Variants in HSD17B12 observed in about 807,000 individuals in gnomAD.
HSD17B12 encodes the protein hydroxysteroid 17-beta dehydrogenase 12.
In HSD17B12, 32 loss-of-function variants were observed where a neutral mutation model predicts 39.3. That is an observed-to-expected ratio of 0.81 (90% CI 0.61 to 1.09). HSD17B12 has a LOEUF of 1.09. Among genes scored for constraint, HSD17B12 ranks in the 50% least tolerant of loss-of-function variants. The probability of loss-of-function intolerance (pLI) is 0.00; values close to 1 mark genes in which losing one functional copy is unlikely to be tolerated. For synonymous variants in HSD17B12, 150 were observed against 146.7 expected (o/e 1.02, Z -0.16); for missense variants, 342 against 382.9 (o/e 0.89, Z 0.89).
At chr11:43,587,475 T>TA in the HSD17B12 span, among the ~76,000 whole-genome samples, 1 of 152,254 alleles carries the variant, frequency 6.6e-6, no homozygotes. Context: ...TCTTGGTTTT[T>TA]AGTTGTTCTT....
intron 9 of HSD17B12, chr11:43,852,600 T>C (rs1035878732): frequency 6.6e-6 from 1 of 152,174 alleles, no homozygotes; most frequent in African/African-American, 2.4e-5. Flanking sequence ...AACTTTACTC[T>C]GGGAAATAAC....
chr11:43,808,823 TAA>T (rs1437740682), intron 4 of HSD17B12, among the ~76,000 whole-genome samples: 2 of 152,248 alleles, frequency 1.3e-5, no homozygotes, highest in African/African-American at 4.8e-5. Context: ...ATGAAAACTG[TAA>T]AGTTTGCAAA....
chr11:43,703,835 T>C (rs1949989554), intron 1 of HSD17B12, among the ~76,000 whole-genome samples: 2 of 152,192 alleles, frequency 1.3e-5, no homozygotes, highest in Admixed American at 6.5e-5. Context: ...TTATTAGTTT[T>C]AACTTTAAAA....
the HSD17B12 span, chr11:43,581,446 C>T: frequency 5.7e-6 from 3 of 523,732 alleles, no homozygotes; most frequent in Non-Finnish European, 1.2e-5. The surrounding 1 kb of genome is among the most constrained non-coding windows in gnomAD (Gnocchi z 4.9). Flanking sequence ...AACTCAATAG[C>T]CGGAAGCCCT....
chr11:43,817,019 T>G lies in HSD17B12; in HGVS notation c.501+628T>G, dbSNP rs1421310518. Among the ~76,000 whole-genome samples the G allele has an allele frequency of 1.2e-3, 29 of 24,710 alleles. 2 individuals carry two copies. The highest frequency in any genetic ancestry group is 3.2e-3 in the African/African-American group (28 of 8,682). The allele number at this position is 24,710 out of a possible 152,430, so 16.2% of individuals were successfully genotyped here. ...ATATCTATATCTATATCTATATCTA[T>G]ATCTATATCTATATCTATATCTATA... On this transcript the variant is annotated intron_variant, in intron 6 of 10. Transcript: ENST00000278353.
At chr11:43,772,081 C>T (rs1950656052) in intron 3 of HSD17B12, among the ~76,000 whole-genome samples, 1 of 152,052 alleles carries the variant, frequency 6.6e-6, no homozygotes, top group Non-Finnish European at 1.5e-5. Flanking sequence ...TTTTATTTAA[C>T]TGCTTTTTAA....
chr11:43,655,995 T>C, the HSD17B12 span, among the ~76,000 whole-genome samples: 1 of 152,222 alleles, frequency 6.6e-6, no homozygotes, highest in East Asian at 1.9e-4. Flanking sequence ...AGCTCCTCCT[T>C]GTACCTCTGG....
At chr11:43,798,777 G>C (rs993343298) in intron 4 of HSD17B12, among the ~76,000 whole-genome samples, 1 of 152,022 alleles carries the variant, frequency 6.6e-6, no homozygotes, top group Non-Finnish European at 1.5e-5. Flanking sequence ...TAGCTTATGC[G>C]CATCCTTCTG....
the HSD17B12 span, among the ~76,000 whole-genome samples, chr11:43,606,644 C>G: frequency 1.3e-5 from 2 of 152,220 alleles, no homozygotes; most frequent in Admixed American, 1.3e-4. Context: ...GGAGACAGGA[C>G]TCAAACACAG....
chr11:43,801,057 T>G (rs1950962350), intron 4 of HSD17B12, among the ~76,000 whole-genome samples: 1 of 151,978 alleles, frequency 6.6e-6, no homozygotes, highest in South Asian at 2.1e-4. Context: ...GAGAATCGCT[T>G]GAACCTGGGA....
chr11:43,747,510 G>A (rs112962936), intron 1 of HSD17B12, among the ~76,000 whole-genome samples: 9 of 152,262 alleles, frequency 5.9e-5, no homozygotes, highest in African/African-American at 1.9e-4. Context: ...AGAGGCCTCT[G>A]AGGAGGAAAG....
chr11:43,566,062 T>C, the HSD17B12 span, among the ~76,000 whole-genome samples: 1 of 152,236 alleles, frequency 6.6e-6, no homozygotes, highest in Non-Finnish European at 1.5e-5. Context: ...TTTCTACACT[T>C]AACAGCTATG....
At chr11:43,843,041 G>T (rs990179639) in intron 9 of HSD17B12, among the ~76,000 whole-genome samples, 1 of 152,114 alleles carries the variant, frequency 6.6e-6, no homozygotes, top group Non-Finnish European at 1.5e-5. Context: ...ATTTTATTTT[G>T]ATAAACTTTT....
At chr11:43,841,643 G>T (rs1470707972) in intron 9 of HSD17B12, among the ~76,000 whole-genome samples, 1 of 152,152 alleles carries the variant, frequency 6.6e-6, no homozygotes, top group Non-Finnish European at 1.5e-5. Context: ...TTGATGGTTG[G>T]CAATTTCAAA....
chr11:43,663,475 T>G, the HSD17B12 span, among the ~76,000 whole-genome samples: 1 of 152,284 alleles, frequency 6.6e-6, no homozygotes, highest in Admixed American at 6.5e-5. Context: ...CAAGCAGTCC[T>G]CTTGCATTAG....
intron 3 of HSD17B12, among the ~76,000 whole-genome samples, chr11:43,771,789 C>T (rs1027936054): frequency 3.7e-4 from 57 of 152,140 alleles, no homozygotes. Context: ...TAGTCTCTTT[C>T]TCATGTATAA....
intron 1 of HSD17B12, among the ~76,000 whole-genome samples, chr11:43,704,549 A>C (rs551776598): frequency 1.3e-5 from 2 of 152,332 alleles, no homozygotes; most frequent in South Asian, 4.1e-4. Flanking sequence ...TTGTTGACAG[A>C]ATCCCACATT....
the HSD17B12 span, among the ~76,000 whole-genome samples, chr11:43,557,680 A>C: frequency 5.3e-5 from 8 of 152,342 alleles, no homozygotes; most frequent in African/African-American, 1.7e-4. Context: ...GTGTAGAGGA[A>C]AACCGCCTGA....
At chr11:43,600,294 A>T in the HSD17B12 span, among the ~76,000 whole-genome samples, 2 of 149,388 alleles carry the variant, frequency 1.3e-5, no homozygotes, top group African/African-American at 4.9e-5. Context: ...GTATTGTTTC[A>T]TTGACTGGAT....
Sources: gnomAD v4.1 joint callset for allele counts (sites outside exome capture counted in the v4.1 genomes callset) on GRCh38, gnomAD v4.1.1 for gene constraint, Gnocchi (gnomAD v3.1) non-coding constraint, MANE v1.5 for transcripts, NCBI Gene and HGNC (gene_info 2026-07-23, HGNC 2026-07-21) for gene names.